Variants in ITGAV observed in about 807,000 individuals in gnomAD.
The protein encoded by ITGAV is integrin subunit alpha V.
In ITGAV, 76 loss-of-function variants were observed where a neutral mutation model predicts 143.8. The ratio of observed to expected loss-of-function variants is 0.53; its 90% confidence interval spans 0.44 to 0.64. The LOEUF is 0.64. Ranked by LOEUF, ITGAV falls within the 30% of genes least tolerant of loss-of-function variation. The pLI is 0.00. For missense variants in ITGAV, 1,193 were observed against 1,274.7 expected, an observed-to-expected ratio of 0.94 and a Z score of 0.98; for synonymous variants, 453 against 446.7, an observed-to-expected ratio of 1.01 and a Z score of -0.18.
At chr2:186,668,185 C>CATATATGTGTATAT (rs1553505647) in intron 24 of ITGAV, among the ~76,000 whole-genome samples, 1 of 19,076 alleles carries the variant, frequency 5.2e-5, no homozygotes, top group Non-Finnish European at 8.7e-5. Flanking sequence ...TACATACATA[C>CATATATGTGTATAT]ATATATATAT....
intron 24 of ITGAV, 45 bp downstream of exon 24, chr2:186,667,821 C>G: frequency 8.2e-7 from 1 of 1,220,660 alleles, no homozygotes; most frequent in Non-Finnish European, 1.2e-6. Context: ...AGCAAGCCAA[C>G]GAAGAGAGGA....
In ITGAV at chr2:186,658,948, A is replaced by G. The variant is rs973609463; in HGVS notation, c.1720-90A>G. ...TGTTAGAATTGAAGGCTCAGGGATG[A>G]ATACAGCTGGCTTTGTAATGTGCAC... On this transcript the variant is annotated intron_variant, in intron 17 of 29. Coordinates refer to ENST00000261023, the MANE Select transcript of ITGAV (RefSeq NM_002210.5). 2.2e-5 allele frequency: 19 copies of G among 851,316 alleles called. No homozygotes were observed. In the African/African-American group the frequency reaches 3.1e-4, roughly 14 times the overall value. The allele number at this position is 851,316 out of a possible 1,614,324, so 52.7% of individuals were successfully genotyped here.
At chr2:186,667,288 T>C in intron 23 of ITGAV, 58 bp downstream of exon 23, 2 of 1,297,416 alleles carry the variant, frequency 1.5e-6, no homozygotes, top group Non-Finnish European at 2.2e-6. Flanking sequence ...TAAAGGTAAC[T>C]GTCAGGCCTT....
chr2:186,652,024 C>T lies in ITGAV; in HGVS notation c.1440C>T (p.Tyr480=), dbSNP rs201680116. The T allele has an allele frequency of 8.7e-6, 14 of 1,613,498 alleles. No homozygotes were observed. In the South Asian group the frequency reaches 1.4e-4, roughly 16 times the overall value. The change falls in exon 15 of 30, where the codon TAC becomes TAT. Residue 480 remains tyrosine, a synonymous_variant. Coordinates refer to ENST00000261023, the MANE Select transcript of ITGAV (RefSeq NM_002210.5). ...CTGTAAATGCTGGTCTTGAAGTGTA[C>T]CCTAGCATTTTAAATCAAGACAATA... ...VITVNAGLEV[Y]PSILNQDNKT...
Position 186,652,961 on chromosome 2 carries a change from C to T in ITGAV, c.1505+872C>T, listed in dbSNP as rs867949125. On this transcript the variant is annotated intron_variant, in intron 15 of 29. Transcript: ENST00000261023. ...TTTTTTTTTTTTTTTTTTTTTGAGA[C>T]GGAGTCTCGCTCTGTCGCCCAGGCC... 2.0e-3 allele frequency among the ~76,000 whole-genome samples: 202 copies of T among 101,034 alleles called. 1 individual carries two copies. Among genetic ancestry groups the T allele is most frequent in the African/African-American group, 7.3e-3 (182 of 24,986 alleles). 66.3% of individuals were successfully genotyped at this position (101,034 alleles called of 152,430 possible). A position where few individuals can be genotyped will look rare whatever the true frequency, so the allele number is the denominator to read the frequency against.
intron 2 of ITGAV, among the ~76,000 whole-genome samples, chr2:186,620,102 C>A (rs763203226): frequency 6.6e-6 from 1 of 152,138 alleles, no homozygotes; most frequent in Non-Finnish European, 1.5e-5. Context: ...TCAAGATTAC[C>A]CACTCTTCTG....
At chr2:186,598,389 G>A (rs1472769173) in intron 1 of ITGAV, among the ~76,000 whole-genome samples, 2 of 150,452 alleles carry the variant, frequency 1.3e-5, no homozygotes, top group Non-Finnish European at 3.0e-5. Flanking sequence ...TTTTGATGAC[G>A]AGCTGCTCTC....
chr2:186,668,189 T>C (rs867955977), intron 24 of ITGAV, among the ~76,000 whole-genome samples: 32 of 12,148 alleles, frequency 2.6e-3, no homozygotes, highest in South Asian at 4.2e-3. Context: ...TACATACATA[T>C]ATATATATAT....
intron 28 of ITGAV, among the ~76,000 whole-genome samples, chr2:186,676,545 A>C (rs1010381493): frequency 7.2e-5 from 11 of 152,182 alleles, no homozygotes; most frequent in Non-Finnish European, 1.6e-4. Flanking sequence ...ATGCCCCTGC[A>C]TTCCAGCTTG....
chr2:186,612,275 G>A (rs1472302242), intron 2 of ITGAV, among the ~76,000 whole-genome samples: 1 of 152,008 alleles, frequency 6.6e-6, no homozygotes, highest in Non-Finnish European at 1.5e-5. Context: ...CACCCAAAAA[G>A]ATAGACTGCT....
In ITGAV at chr2:186,657,495, AAAAC is replaced by A. The variant is rs571432945; in HGVS notation, c.1719+1097_1719+1100del. Among the ~76,000 whole-genome samples the A allele has an allele frequency of 3.1e-3, 479 of 152,350 alleles. 1 individual carries two copies. Among genetic ancestry groups the A allele is most frequent in the Middle Eastern group, 6.8e-3 (2 of 294 alleles). Reference sequence around the variant, plus strand: ...TGATTTTTAAATAACTTATGGGTCAAAAACAAGATCATAATGGAAATTTACTTGC... The same window carrying A: ...TGATTTTTAAATAACTTATGGGTCAAAAGATCATAATGGAAATTTACTTGC... On this transcript the variant is annotated intron_variant, in intron 17 of 29. Transcript: ENST00000261023.
intron 1 of ITGAV, among the ~76,000 whole-genome samples, chr2:186,596,711 T>C (rs1227865128): frequency 1.3e-5 from 2 of 152,178 alleles, no homozygotes; most frequent in African/African-American, 4.8e-5. Flanking sequence ...TGTTGCTTTT[T>C]ATTCCTTAAT....
chr2:186,650,390 G>C (rs564920080), intron 14 of ITGAV, among the ~76,000 whole-genome samples: 36 of 152,172 alleles, frequency 2.4e-4, no homozygotes, highest in African/African-American at 8.7e-4. Flanking sequence ...AGTAGAGACA[G>C]GGTTTTGCCA....
intron 12 of ITGAV, among the ~76,000 whole-genome samples, chr2:186,644,912 T>C (rs1157252134): frequency 6.6e-6 from 1 of 152,076 alleles, no homozygotes; most frequent in Admixed American, 6.5e-5. Flanking sequence ...CAAGGCATCG[T>C]TGATGTTTCA....
chr2:186,606,906 C>G (rs1187793081), intron 2 of ITGAV, among the ~76,000 whole-genome samples: 1 of 152,068 alleles, frequency 6.6e-6, no homozygotes, highest in Admixed American at 6.5e-5. Flanking sequence ...TTTTGGACTG[C>G]TCTTTTACAA....
intron 14 of ITGAV, 81 bp downstream of exon 14, chr2:186,649,966 T>G: frequency 1.1e-6 from 1 of 897,122 alleles, no homozygotes; most frequent in Non-Finnish European, 1.7e-6. Context: ...GTGTTTGAAT[T>G]TTAGTTTAAT....
intron 6 of ITGAV, among the ~76,000 whole-genome samples, chr2:186,635,027 GAAT>G (rs1687914654): frequency 6.6e-6 from 1 of 151,638 alleles, no homozygotes; most frequent in Non-Finnish European, 1.5e-5. Flanking sequence ...GCATAAATAG[GAAT>G]AATAATAAAT....
chr2:186,650,187 A>G (rs1236641867), intron 14 of ITGAV, among the ~76,000 whole-genome samples: 2 of 152,186 alleles, frequency 1.3e-5, no homozygotes, highest in Non-Finnish European at 2.9e-5. Context: ...AACATTCAGA[A>G]TCCTGTCTTC....
chr2:186,672,795 GTTAT>G (rs1689101855), intron 26 of ITGAV, among the ~76,000 whole-genome samples: 1 of 152,134 alleles, frequency 6.6e-6, no homozygotes, highest in Admixed American at 6.5e-5. Context: ...GTTGCAAAGA[GTTAT>G]TTATATATTC....
Sources: gnomAD v4.1 joint callset for allele counts (sites outside exome capture counted in the v4.1 genomes callset) on GRCh38, gnomAD v4.1.1 for gene constraint, MANE v1.5 for transcripts, NCBI Gene and HGNC (gene_info 2026-07-23, HGNC 2026-07-21) for gene names.